The following RNF130 variants were observed in gnomAD, a reference collection of about 807,000 sequenced individuals.
RNF130 encodes the protein E3 ubiquitin-protein ligase RNF130.
RNF130 carries 21 observed loss-of-function variants against 44.6 expected under a neutral mutation model. The ratio of observed to expected loss-of-function variants is 0.47; its 90% CI spans 0.33 to 0.68. The LOEUF (loss-of-function observed/expected upper bound fraction) is 0.68, where lower values mean the gene tolerates loss of function less well. RNF130 is among the 30% of genes least tolerant of loss of function. The pLI, the probability that RNF130 is intolerant of heterozygous loss-of-function variation, is 0.02. For missense variants in RNF130, 479 were observed against 560.6 expected (o/e 0.85, Z 1.47); for synonymous variants, 214 against 210.4 (o/e 1.02, Z -0.15).
intron 8 of RNF130, among the ~76,000 whole-genome samples, chr5:179,960,834 G>A (rs1216181717): frequency 8.3e-6 from 1 of 121,164 alleles, no homozygotes; most frequent in Non-Finnish European, 1.7e-5. Flanking sequence ...TTAAGCCAGG[G>A]CAATTAAGGT....
intron 7 of RNF130, among the ~76,000 whole-genome samples, chr5:179,941,200 C>G (rs1761965461): frequency 6.6e-6 from 1 of 152,082 alleles, no homozygotes; most frequent in Admixed American, 6.6e-5. Flanking sequence ...CCTGGCTTGC[C>G]TGCTTCGTTT....
chr5:179,925,884 T>C (rs1346064631), intron 7 of RNF130, among the ~76,000 whole-genome samples: 1 of 152,112 alleles, frequency 6.6e-6, no homozygotes, highest in African/African-American at 2.4e-5. Context: ...ACAGACTCCA[T>C]ATAGACGGAG....
At chr5:180,039,665 TG>T (rs909827841) in intron 2 of RNF130, among the ~76,000 whole-genome samples, 12 of 152,226 alleles carry the variant, frequency 7.9e-5, no homozygotes, top group African/African-American at 2.7e-4. Context: ...AAAATAATTA[TG>T]TAAAAATTAC....
intron 2 of RNF130, among the ~76,000 whole-genome samples, chr5:180,019,660 A>G (rs1352935681): frequency 3.3e-5 from 5 of 152,224 alleles, no homozygotes; most frequent in African/African-American, 1.2e-4. Context: ...AAACAGATAC[A>G]TTCTACATTC....
intron 7 of RNF130, among the ~76,000 whole-genome samples, chr5:179,923,716 G>A (rs1277987371): frequency 4.6e-5 from 7 of 152,194 alleles, no homozygotes; most frequent in Non-Finnish European, 1.0e-4. Context: ...CAACCACGGT[G>A]CAGCCCTGGA....
chr5:179,920,749 C>A (rs1761616195), intron 7 of RNF130, among the ~76,000 whole-genome samples: 1 of 150,656 alleles, frequency 6.6e-6, no homozygotes, highest in Admixed American at 6.7e-5. Context: ...GGAGGACTGC[C>A]CCCCAGCCCT....
At chr5:179,922,269 A>C (rs1267082644) in intron 7 of RNF130, among the ~76,000 whole-genome samples, 2 of 151,994 alleles carry the variant, frequency 1.3e-5, no homozygotes, top group African/African-American at 4.8e-5. Flanking sequence ...TGTTTTGTTC[A>C]AATCTTTAGT....
chr5:179,924,599 G>A (rs1286047873), intron 7 of RNF130, among the ~76,000 whole-genome samples: 2 of 151,870 alleles, frequency 1.3e-5, no homozygotes, highest in East Asian at 1.9e-4. Context: ...GGAGGAGTTC[G>A]AGACCAGCCT....
rs537627645 is a variant in RNF130, at chr5:179,920,442, GAGAA to G, written c.1151-20_1151-17del. On this transcript the variant is annotated splice_polypyrimidine_tract_variant and intron_variant, in intron 7 of 7. Transcript: ENST00000522208. Reference sequence around the variant, plus strand: ...AAGTGACCACCTGGAAAAGGAAGAAGAGAAAGAGACTTAATAGGTCACCAGGCTT... The same window carrying G: ...AAGTGACCACCTGGAAAAGGAAGAAGAGAGACTTAATAGGTCACCAGGCTT... 146 of 702,234 alleles carry G rather than the reference GAGAA, an allele frequency of 2.1e-4. 2 individuals are homozygous for G. The highest frequency in any genetic ancestry group is 2.1e-3 in the South Asian group (140 of 67,588). The allele number at this position is 702,234 out of a possible 1,614,324, so 43.5% of individuals were successfully genotyped here.
At chr5:179,952,062 G>A (rs1397189423), downstream of RNF130, among the ~76,000 whole-genome samples, 1 of 152,110 alleles carries the variant, frequency 6.6e-6, no homozygotes, top group Non-Finnish European at 1.5e-5. Flanking sequence ...GCCAGGTGTG[G>A]TGGCTCAAGC....
In RNF130 at chr5:180,071,441, C is replaced by G. The variant is rs569020980; in HGVS notation, c.247+15G>C. ...TGCAGCGACCACCGCCCGCCGCCCC[C>G]GGGCCGGCACTCACCTCCGTGGAGG... On this transcript the variant is annotated intron_variant, in intron 1 of 8. Transcript: ENST00000521389. 211 of 1,233,882 alleles carry G rather than the reference C, an allele frequency of 1.7e-4. 1 individual carries two copies. In the African/African-American group the frequency reaches 2.9e-3, roughly 17 times the overall value. The allele number at this position is 1,233,882 out of a possible 1,614,324, so 76.4% of individuals were successfully genotyped here.
intron 8 of RNF130, among the ~76,000 whole-genome samples, chr5:179,959,610 G>A (rs1338348451): frequency 6.6e-6 from 1 of 150,986 alleles, no homozygotes; most frequent in Non-Finnish European, 1.5e-5. Flanking sequence ...CTGGGTAACA[G>A]AGCGAGACTC....
intron 6 of RNF130, among the ~76,000 whole-genome samples, chr5:179,968,092 G>A (rs1271005824): frequency 6.6e-6 from 1 of 151,368 alleles, no homozygotes; most frequent in Admixed American, 6.6e-5. Context: ...TCAGGAGATC[G>A]AGACCATCCT....
intron 7 of RNF130, among the ~76,000 whole-genome samples, chr5:179,941,808 T>G (rs1487350812): frequency 6.6e-6 from 1 of 152,194 alleles, no homozygotes; most frequent in East Asian, 1.9e-4. Context: ...AGTCTGACAT[T>G]ACCAGAAAGA....
At chr5:179,988,071 T>C (rs2113024297) in intron 3 of RNF130, among the ~76,000 whole-genome samples, 1 of 152,390 alleles carries the variant, frequency 6.6e-6, no homozygotes, top group African/African-American at 2.4e-5. Flanking sequence ...TTTGATAGGA[T>C]TTGGCAGTAA....
At chr5:179,998,254 G>A (rs1014770751) in intron 3 of RNF130, among the ~76,000 whole-genome samples, 1 of 152,146 alleles carries the variant, frequency 6.6e-6, no homozygotes, top group Non-Finnish European at 1.5e-5. Context: ...TGCTTTTGCT[G>A]TATCCCATAG....
chr5:179,988,944 C>A (rs1168402826), intron 3 of RNF130, among the ~76,000 whole-genome samples: 1 of 152,156 alleles, frequency 6.6e-6, no homozygotes, highest in South Asian at 2.1e-4. Context: ...TAATTTCTGT[C>A]CAGATGATCT....
chr5:180,066,638 C>T (rs1326873021), intron 1 of RNF130, among the ~76,000 whole-genome samples: 3 of 151,914 alleles, frequency 2.0e-5, no homozygotes, highest in Non-Finnish European at 4.4e-5. Context: ...GAGTTCGAGA[C>T]GAGCCTGATG....
At chr5:180,007,325 G>T (rs757283554) in intron 3 of RNF130, among the ~76,000 whole-genome samples, 1 of 152,110 alleles carries the variant, frequency 6.6e-6, no homozygotes, top group South Asian at 2.1e-4. Context: ...TGCTTAAGCC[G>T]AGGAGGCAGA....
Sources: allele counts gnomAD v4.1 joint callset (sites outside exome capture counted in the v4.1 genomes callset), GRCh38; gene constraint gnomAD v4.1.1; transcripts MANE v1.5; gene names NCBI Gene and HGNC (gene_info 2026-07-23, HGNC 2026-07-21).